Variants in SLC10A1 observed in about 807,000 individuals in gnomAD.
SLC10A1 encodes hepatic sodium/bile acid cotransporter.
In SLC10A1, 36 loss-of-function variants were observed where a neutral mutation model predicts 20.5. That is an observed-to-expected ratio of 1.75 (90% CI 1.34 to 2.32). The LOEUF (loss-of-function observed/expected upper bound fraction) is 2.32, where lower values mean the gene tolerates loss of function less well. Among genes scored for constraint, SLC10A1 ranks in the 30% most tolerant of loss-of-function variants. SLC10A1 has a pLI of 0.00. For synonymous variants in SLC10A1, 188 were observed against 163.6 expected, an observed-to-expected ratio of 1.15 and a Z score of -1.14; for missense variants, 545 against 439.1, an observed-to-expected ratio of 1.24 and a Z score of -2.16.
At chr14:69,777,002 G>T (rs1450421036) in intron 4 of SLC10A1, among the ~76,000 whole-genome samples, 1 of 152,190 alleles carries the variant, frequency 6.6e-6, no homozygotes, top group Admixed American at 6.5e-5. Flanking sequence ...TTGATTTAGT[G>T]TTTCCACTGG....
At chr14:69,788,416 C>A (rs145480502) in intron 1 of SLC10A1, among the ~76,000 whole-genome samples, 141 of 151,972 alleles carry the variant, frequency 9.3e-4, no homozygotes, top group Non-Finnish European at 1.8e-3. Context: ...AGTCAGACTT[C>A]ATTAATATTA....
At chr14:69,790,771 T>C (rs1883816836) in intron 1 of SLC10A1, among the ~76,000 whole-genome samples, 1 of 152,044 alleles carries the variant, frequency 6.6e-6, no homozygotes. Flanking sequence ...TTATACTATA[T>C]ATAGGCCCTA....
intron 4 of SLC10A1, among the ~76,000 whole-genome samples, chr14:69,778,064 A>G (rs888328956): frequency 2.6e-5 from 4 of 152,162 alleles, no homozygotes; most frequent in South Asian, 2.1e-4. Flanking sequence ...CCCCACTGAG[A>G]CAAAGCAGCC....
chr14:69,779,142 CAG>C, intron 3 of SLC10A1, 38 bp downstream of exon 3: 1 of 1,472,794 alleles, frequency 6.8e-7, no homozygotes, highest in South Asian at 1.3e-5. Flanking sequence ...GCCTGGGCAA[CAG>C]AGTGAGACCC....
At chr14:69,786,002 T>G in intron 2 of SLC10A1, 95 bp downstream of exon 2, 1 of 854,970 alleles carries the variant, frequency 1.2e-6, no homozygotes, top group Non-Finnish European at 1.9e-6. Context: ...TAGGAGCATA[T>G]GTATGTTTAT....
At chr14:69,785,321 C>G (rs775364463) in intron 2 of SLC10A1, among the ~76,000 whole-genome samples, 1 of 152,228 alleles carries the variant, frequency 6.6e-6, no homozygotes, top group Admixed American at 6.5e-5. Flanking sequence ...ACTTCCCACC[C>G]CATCCCTCTC....
At chr14:69,782,851 C>T (rs1227885851) in intron 2 of SLC10A1, among the ~76,000 whole-genome samples, 4 of 150,092 alleles carry the variant, frequency 2.7e-5, no homozygotes. Context: ...CTTTTTGCAA[C>T]CTCAGAGAAA....
Position 69,786,182 on chromosome 14 carries a change from A to T in SLC10A1, c.482T>A (p.Ile161Lys). The change falls in exon 2 of 5, where the codon ATA (isoleucine) becomes AAA (lysine). Residue 161 changes from isoleucine (I) to lysine (K), a missense_variant. By Grantham distance (102) the Ile-to-Lys change is moderately radical. Coordinates refer to ENST00000216540, the MANE Select transcript of SLC10A1 (RefSeq NM_003049.4). ...KDKVPYKGIV[I>K]SLVLVLIPCT... ...AGGAATGAGAACCAGGACCAGTGATATCACGATGCCTTTATAGGGCACCTT... is the reference window on the plus strand; with the variant it reads ...AGGAATGAGAACCAGGACCAGTGATTTCACGATGCCTTTATAGGGCACCTT... 6.2e-7 allele frequency: 1 copy of T among 1,614,170 alleles called. No individual in the cohort carries two copies. The highest frequency in any genetic ancestry group is 8.5e-7 in the Non-Finnish European group (1 of 1,180,028).
intron 1 of SLC10A1, among the ~76,000 whole-genome samples, chr14:69,792,439 C>T (rs906426008): frequency 9.2e-5 from 14 of 152,170 alleles, no homozygotes; most frequent in Admixed American, 4.6e-4. Context: ...GAATGGCCAA[C>T]GCACACGTGG....
At position 69,779,383 on chromosome 14, in the gene SLC10A1, G is replaced by T. The variant is rs1883535866; in HGVS notation, c.568-23C>A. ...TCCCTGGGAATGAAGACAAGAAAAG[G>T]CAATTAGAAGAGTTGGGGATAGAGA... On this transcript the variant is annotated intron_variant, in intron 2 of 4. Coordinates refer to ENST00000216540, the MANE Select transcript of SLC10A1 (RefSeq NM_003049.4). 7 of 1,592,404 alleles carry T rather than the reference G, an allele frequency of 4.4e-6. No homozygotes were observed. In the East Asian group the frequency reaches 1.6e-4, roughly 36 times the overall value.
rs772571564 is a variant in SLC10A1, at chr14:69,786,172, G to T, written c.492C>A (p.Val164=). 6.2e-7 allele frequency: 1 copy of T among 1,613,958 alleles called. No homozygotes were observed. ...VPYKGIVISL[V]LVLIPCTIGI... is the part of the protein sequence containing the mutation. Reference sequence around the variant, plus strand: ...CTATGGTGCAAGGAATGAGAACCAGGACCAGTGATATCACGATGCCTTTAT... The same window carrying T: ...CTATGGTGCAAGGAATGAGAACCAGTACCAGTGATATCACGATGCCTTTAT... Residue 164 remains valine, a synonymous_variant, in exon 2 of 5, where the codon GTC becomes GTA. Transcript: ENST00000216540.
At chr14:69,782,514 T>G (rs139800646) in intron 2 of SLC10A1, among the ~76,000 whole-genome samples, 1,750 of 152,274 alleles carry the variant, frequency 0.011, 37 homozygotes, top group African/African-American at 0.04. Flanking sequence ...AGCTTTAAGA[T>G]CTGAGATTCT....
At position 69,777,592 on chromosome 14, in the gene SLC10A1, TTTTTTTTTTTTTTAAAA is replaced by T. The variant is rs1883477259; in HGVS notation, c.943+724_943+740del. 3.1e-5 allele frequency among the ~76,000 whole-genome samples: 3 copies of T among 97,586 alleles called. No individual in the cohort carries two copies. In the South Asian group the frequency reaches 1.1e-3, roughly 37 times the overall value. The allele number at this position is 97,586 out of a possible 152,430, so 64.0% of individuals were successfully genotyped here. On this transcript the variant is annotated intron_variant, in intron 4 of 4. Transcript: ENST00000216540. ...TTGAATGTCCTGTTTTTTTTTTTTT[TTTTTTTTTTTTTTAAAA>T]TTGGTGTTAAAGTGCACTTTGAGGA...
At chr14:69,782,114 T>TA (rs1445220247) in intron 2 of SLC10A1, among the ~76,000 whole-genome samples, 5 of 152,210 alleles carry the variant, frequency 3.3e-5, no homozygotes, top group Non-Finnish European at 7.3e-5. Flanking sequence ...ACCCACATGT[T>TA]AGTCTCTGCA....
chr14:69,796,277 A>G (rs1306998339), intron 1 of SLC10A1, among the ~76,000 whole-genome samples: 1 of 152,178 alleles, frequency 6.6e-6, no homozygotes, highest in East Asian at 1.9e-4. Context: ...ATGGGGAATG[A>G]GGGACTTTAA....
chr14:69,795,790 T>C (rs1409837105), intron 1 of SLC10A1, among the ~76,000 whole-genome samples: 1 of 152,094 alleles, frequency 6.6e-6, no homozygotes, highest in African/African-American at 2.4e-5. Flanking sequence ...ACTGGGTTAG[T>C]TTTCCTAGGA....
intron 2 of SLC10A1, 116 bp from the exon 3 acceptor site, chr14:69,779,476 G>A (rs1883537858): frequency 2.8e-6 from 2 of 721,822 alleles, no homozygotes; most frequent in East Asian, 2.7e-5. Flanking sequence ...CACTGGAAGT[G>A]GAAAGGAATA....
At position 69,796,094 on chromosome 14, in the gene SLC10A1, G is replaced by C. The variant is rs74472107; in HGVS notation, c.356+706C>G. Reference sequence around the variant, plus strand: ...CCAGCCCCTGTGTGCTGCGTCTCCAGGAGCGAGCCCTTGCTGATTTCTGCT... The same window carrying C: ...CCAGCCCCTGTGTGCTGCGTCTCCACGAGCGAGCCCTTGCTGATTTCTGCT... On this transcript the variant is annotated intron_variant, in intron 1 of 4. Coordinates refer to ENST00000216540, the MANE Select transcript of SLC10A1 (RefSeq NM_003049.4). 1.7e-3 allele frequency among the ~76,000 whole-genome samples: 258 copies of C among 152,296 alleles called. 1 individual carries two copies. The highest frequency in any genetic ancestry group is 5.8e-3 in the African/African-American group (241 of 41,570).
chr14:69,790,513 C>T (rs1883811958), intron 1 of SLC10A1, among the ~76,000 whole-genome samples: 1 of 151,896 alleles, frequency 6.6e-6, no homozygotes, highest in South Asian at 2.1e-4. Context: ...ATTAGATAAT[C>T]TATTAATACA....
Sources: allele counts gnomAD v4.1 joint callset (sites outside exome capture counted in the v4.1 genomes callset), GRCh38; gene constraint gnomAD v4.1.1; transcripts MANE v1.5; gene names NCBI Gene and HGNC (gene_info 2026-07-23, HGNC 2026-07-21).